Variants in MLLT10 observed in about 807,000 individuals in gnomAD.
MLLT10 encodes protein AF-10.
MLLT10 carries 30 observed loss-of-function variants against 129.1 expected under a neutral mutation model. The observed-to-expected ratio is 0.23, with a 90% CI of 0.17 to 0.32. MLLT10 has a LOEUF of 0.32. MLLT10 is among the 10% of genes least tolerant of loss of function. The pLI is 1.00. For synonymous variants in MLLT10, 490 were observed against 446.4 expected, an observed-to-expected ratio of 1.10 and a Z score of -1.23; for missense variants, 1,119 against 1,268.3, an observed-to-expected ratio of 0.88 and a Z score of 1.79.
At chr10:21,672,196 T>TGTGA (rs2051501833) in intron 10 of MLLT10, among the ~76,000 whole-genome samples, 1 of 151,354 alleles carries the variant, frequency 6.6e-6, no homozygotes, top group Admixed American at 6.6e-5. Context: ...TGTGTGTGTG[T>TGTGA]GTGTGTGTGT....
chr10:21,713,054 T>A (rs1469187754), intron 13 of MLLT10, among the ~76,000 whole-genome samples: 1 of 152,204 alleles, frequency 6.6e-6, no homozygotes, highest in African/African-American at 2.4e-5. Flanking sequence ...AGTGTTTTCA[T>A]CAAGTCTCCC....
chr10:21,636,885 A>G (rs552895532), intron 8 of MLLT10, among the ~76,000 whole-genome samples: 1 of 152,332 alleles, frequency 6.6e-6, no homozygotes, highest in Non-Finnish European at 1.5e-5. Context: ...GTATACATTT[A>G]TAGGCAATTA....
intron 13 of MLLT10, among the ~76,000 whole-genome samples, chr10:21,696,882 T>A (rs1223945616): frequency 6.6e-6 from 1 of 152,124 alleles, no homozygotes; most frequent in Non-Finnish European, 1.5e-5. Context: ...AAAGTGATCT[T>A]ATAAAAACAT....
intron 17 of MLLT10, 54 bp downstream of exon 17, chr10:21,731,108 C>G (rs767927242): frequency 2.2e-4 from 337 of 1,506,636 alleles, no homozygotes; most frequent in Non-Finnish European, 2.5e-4. Context: ...GATGGACAAA[C>G]AGGCAGATGG....
At chr10:21,669,060 A>T in intron 9 of MLLT10, 1 of 1,363,366 alleles carries the variant, frequency 7.3e-7, no homozygotes, top group Non-Finnish European at 9.7e-7. Flanking sequence ...AAAGTAAGCC[A>T]TGAAGTTTCA....
chr10:21,728,911 C>T (rs1452200104), intron 16 of MLLT10, among the ~76,000 whole-genome samples: 1 of 148,952 alleles, frequency 6.7e-6, no homozygotes, highest in Non-Finnish European at 1.5e-5. Context: ...CATGTGATGA[C>T]AGATCATGAA....
At chr10:21,586,186 G>T (rs2041965719) in intron 3 of MLLT10, 108 bp from the exon 4 acceptor site, 1 of 850,752 alleles carries the variant, frequency 1.2e-6, no homozygotes, top group African/African-American at 1.7e-5. Flanking sequence ...GGGGCAACTA[G>T]GACAAATGCT....
At chr10:21,629,077 A>G (rs2046759801) in intron 8 of MLLT10, among the ~76,000 whole-genome samples, 1 of 149,968 alleles carries the variant, frequency 6.7e-6, no homozygotes, top group African/African-American at 2.4e-5. Context: ...ACTTACTCAC[A>G]TGGTTGACAG....
In MLLT10 at chr10:21,673,792, T is replaced by A; in HGVS notation, c.1494T>A (p.Ala498=). The A allele has an allele frequency of 6.2e-7, 1 of 1,614,174 alleles. No homozygotes were observed. Among genetic ancestry groups the A allele is most frequent in the East Asian group, 2.2e-5 (1 of 44,876 alleles). ...TTTCTCATCTCTCAGTTTCTTCTGC[T>A]TCACCAACATCATCTGTAGCATCAG... ...ENVSHLSVSS[A]SPTSSVASAA... is the part of the protein sequence containing the mutation. Residue 498 remains alanine (A), a synonymous_variant, in exon 11 of 23, where the codon GCT becomes GCA. Transcript: ENST00000307729.
At chr10:21,713,708 T>C in intron 13 of MLLT10, 64 bp from the exon 14 acceptor site, 2 of 1,420,930 alleles carry the variant, frequency 1.4e-6, no homozygotes, top group Non-Finnish European at 9.7e-7. Context: ...AGTTTACTGA[T>C]TATGTGTGTC....
At chr10:21,718,913 G>T (rs2056942120) in intron 14 of MLLT10, among the ~76,000 whole-genome samples, 2 of 152,120 alleles carry the variant, frequency 1.3e-5, no homozygotes. Context: ...TGGTAGAGAT[G>T]GGGTTTCACC....
chr10:21,606,390 C>A (rs1478028297), intron 5 of MLLT10, among the ~76,000 whole-genome samples: 1 of 152,182 alleles, frequency 6.6e-6, no homozygotes, highest in Non-Finnish European at 1.5e-5. Flanking sequence ...ATTTAAGAAA[C>A]ACCTTTCGAA....
At chr10:21,625,981 A>T in intron 8 of MLLT10, 1 of 891,338 alleles carries the variant, frequency 1.1e-6, no homozygotes, top group East Asian at 2.4e-5. Flanking sequence ...CAGAGTACAC[A>T]CTGTTTGGTG....
chr10:21,617,488 G>A (rs1174329621), intron 8 of MLLT10, among the ~76,000 whole-genome samples: 3 of 152,068 alleles, frequency 2.0e-5, no homozygotes, highest in African/African-American at 4.8e-5. Context: ...ATCTTTAGGT[G>A]ACTTCAGCAA....
chr10:21,596,646 A>T (rs535142569), intron 5 of MLLT10, among the ~76,000 whole-genome samples: 125 of 152,220 alleles, frequency 8.2e-4, no homozygotes, highest in Middle Eastern at 3.4e-3. Flanking sequence ...AAAAAAAAAA[A>T]AAATATTAAA....
intron 3 of MLLT10, chr10:21,556,972 C>T (rs1292131756): frequency 4.6e-6 from 7 of 1,519,128 alleles, no homozygotes; most frequent in East Asian, 4.9e-5. Context: ...ACTTGTGTTT[C>T]TGATGTGGTC....
At chr10:21,727,707 T>C in intron 15 of MLLT10, 149 bp from the exon 16 acceptor site, 1 of 624,962 alleles carries the variant, frequency 1.6e-6, no homozygotes, top group Non-Finnish European at 2.8e-6. Context: ...AATTCTGAAC[T>C]AGCAACATGC....
At chr10:21,653,777 C>A (rs575226318) in intron 9 of MLLT10, among the ~76,000 whole-genome samples, 2 of 152,260 alleles carry the variant, frequency 1.3e-5, no homozygotes, top group African/African-American at 2.4e-5. Flanking sequence ...TGCTGACTAG[C>A]CAGTTGGATA....
chr10:21,683,100 GTGTT>G (rs2052915077), intron 13 of MLLT10, among the ~76,000 whole-genome samples: 1 of 152,150 alleles, frequency 6.6e-6, no homozygotes, highest in East Asian at 1.9e-4. Context: ...CAGTCGATTT[GTGTT>G]GCGTTTGGGT....
Sources: allele counts gnomAD v4.1 joint callset (sites outside exome capture counted in the v4.1 genomes callset), GRCh38; gene constraint gnomAD v4.1.1; transcripts MANE v1.5; gene names NCBI Gene and HGNC (gene_info 2026-07-23, HGNC 2026-07-21).